Variants in DTNA observed in about 807,000 individuals in gnomAD.
DTNA encodes the protein dystrobrevin alpha.
A neutral mutation model predicts 100.7 loss-of-function variants in DTNA; 43 were observed. That is an observed-to-expected ratio of 0.43 (90% CI 0.33 to 0.55). The LOEUF (loss-of-function observed/expected upper bound fraction) is 0.55. Among genes scored for constraint, DTNA ranks in the 20% least tolerant of loss-of-function variants. The pLI is 0.04. For missense variants in DTNA, 798 were observed against 953.9 expected (o/e 0.84, Z 2.15); for synonymous variants, 349 against 347.9 (o/e 1.00, Z -0.04).
intron 1 of DTNA, among the ~76,000 whole-genome samples, chr18:34,728,133 C>G (rs2087175199): frequency 6.6e-6 from 1 of 152,122 alleles, no homozygotes; most frequent in Non-Finnish European, 1.5e-5. Context: ...AAATTGCATA[C>G]TCAATGTGAA....
At chr18:34,875,527 G>C in intron 18 of DTNA, 129 bp downstream of exon 18, 1 of 1,363,176 alleles carries the variant, frequency 7.3e-7, no homozygotes, top group Non-Finnish European at 1.0e-6. Context: ...TGGTGTCAGA[G>C]CCTGGCCTGC....
In DTNA at chr18:34,598,961, T is replaced by G. The variant is rs375148087; in HGVS notation, c.-2+105447T>G. Reference sequence around the variant, plus strand: ...AAAACTGTATTTGTTTATTAAACATTGAATATAGTTGATGGGAACCAGAGG... The same window carrying G: ...AAAACTGTATTTGTTTATTAAACATGGAATATAGTTGATGGGAACCAGAGG... On this transcript the variant is annotated intron_variant, in intron 1 of 19. Transcript: ENST00000283365. 1.1e-4 allele frequency among the ~76,000 whole-genome samples: 16 copies of G among 152,356 alleles called. No individual in the cohort carries two copies. The South Asian group carries it at 1.9e-3, about 18-fold the overall frequency.
chr18:34,603,472 T>C (rs911035234), intron 1 of DTNA, among the ~76,000 whole-genome samples: 1 of 152,204 alleles, frequency 6.6e-6, no homozygotes, highest in African/African-American at 2.4e-5. Context: ...CATTTTTAAG[T>C]GTAGAGTTCA....
At chr18:34,869,366 T>A (rs2096740930) in intron 17 of DTNA, among the ~76,000 whole-genome samples, 1 of 152,182 alleles carries the variant, frequency 6.6e-6, no homozygotes, top group Non-Finnish European at 1.5e-5. Context: ...TAACAGTGTC[T>A]CCATCAGGGA....
chr18:34,529,233 T>C lies in DTNA; in HGVS notation c.-2+35719T>C, dbSNP rs193294634. ...CTATATATTTATATAGGCTGACATA[T>C]GCTCTGCCTTTTATCCTAGTAAATA... On this transcript the variant is annotated intron_variant, in intron 1 of 19. Transcript: ENST00000283365. 3.0e-3 allele frequency among the ~76,000 whole-genome samples: 461 copies of C among 152,280 alleles called. 2 individuals carry two copies. Among genetic ancestry groups the C allele is most frequent in the African/African-American group, 0.01 (421 of 41,574 alleles).
intron 1 of DTNA, among the ~76,000 whole-genome samples, chr18:34,627,136 TGAGTCTGA>T (rs927985411): frequency 2.0e-5 from 3 of 150,932 alleles, no homozygotes; most frequent in African/African-American, 7.4e-5. Flanking sequence ...TATCTACGGA[TGAGTCTGA>T]GAGTCAAAAA....
chr18:34,817,942 A>T, intron 7 of DTNA: 2 of 1,418,058 alleles, frequency 1.4e-6, no homozygotes, highest in Non-Finnish European at 1.8e-6. Flanking sequence ...TGTTAAAAGG[A>T]CACCTCTTCT....
intron 1 of DTNA, among the ~76,000 whole-genome samples, chr18:34,591,313 G>T (rs80221727): frequency 1.3e-5 from 2 of 152,110 alleles, no homozygotes; most frequent in South Asian, 4.1e-4. Flanking sequence ...GAAAAGAAGC[G>T]TATTTTTCCC....
chr18:34,667,965 T>C lies in DTNA; in HGVS notation c.-1-88011T>C, dbSNP rs564972576. 6.3e-3 allele frequency among the ~76,000 whole-genome samples: 966 copies of C among 152,292 alleles called. 5 individuals are homozygous for C. Among genetic ancestry groups the C allele is most frequent in the Non-Finnish European group, 0.01 (696 of 68,038 alleles). On this transcript the variant is annotated intron_variant, in intron 1 of 19. Transcript: ENST00000283365. The stretch of plus-strand genomic sequence containing the variant: ...AAAATGAGTTAGGGAGGATTCCCTC[T>C]TTTTCTATTGATTGGAATAGTTTCA...
chr18:34,585,709 T>C (rs2049064598), intron 1 of DTNA, among the ~76,000 whole-genome samples: 2 of 152,212 alleles, frequency 1.3e-5, no homozygotes, highest in African/African-American at 2.4e-5. Flanking sequence ...CAAAAGGTAA[T>C]ATCAACATTT....
intron 1 of DTNA, among the ~76,000 whole-genome samples, chr18:34,675,107 T>C (rs1318170825): frequency 1.3e-5 from 2 of 152,020 alleles, no homozygotes; most frequent in Non-Finnish European, 2.9e-5. Flanking sequence ...CCTACCAGGG[T>C]TCCTCAACCT....
intron 1 of DTNA, among the ~76,000 whole-genome samples, chr18:34,529,948 T>G (rs1052175697): frequency 6.6e-6 from 1 of 152,160 alleles, no homozygotes; most frequent in Admixed American, 6.6e-5. Context: ...ATAAAATATT[T>G]TTTAATAAAT....
chr18:34,732,395 T>C (rs1026263797), intron 1 of DTNA, among the ~76,000 whole-genome samples: 6 of 152,214 alleles, frequency 3.9e-5, no homozygotes, highest in African/African-American at 1.4e-4. Context: ...CAAGACAGCG[T>C]GATCCAAAGC....
At chr18:34,652,969 C>A (rs73414425) in intron 1 of DTNA, among the ~76,000 whole-genome samples, 4,041 of 152,084 alleles carry the variant, frequency 0.027, 187 homozygotes, top group African/African-American at 0.093. Flanking sequence ...TTGGTACTTC[C>A]TAATGATCCA....
intron 1 of DTNA, among the ~76,000 whole-genome samples, chr18:34,745,203 G>T (rs917588823): frequency 1.3e-5 from 2 of 151,712 alleles, no homozygotes; most frequent in African/African-American, 4.8e-5. Context: ...ATATTCTCCT[G>T]CCTCTCCCCT....
chr18:34,575,812 T>A (rs1239890520), intron 1 of DTNA, among the ~76,000 whole-genome samples: 1 of 152,142 alleles, frequency 6.6e-6, no homozygotes, highest in Non-Finnish European at 1.5e-5. Context: ...ATAGTTAGAT[T>A]TTTCTTCCCC....
chr18:34,870,058 A>G (rs2096749945), intron 17 of DTNA, among the ~76,000 whole-genome samples: 1 of 152,272 alleles, frequency 6.6e-6, no homozygotes, highest in South Asian at 2.1e-4. Flanking sequence ...GCTTATGCTA[A>G]TTTGCAGGAC....
chr18:34,724,599 A>C (rs1343122381), intron 1 of DTNA, among the ~76,000 whole-genome samples: 1 of 152,172 alleles, frequency 6.6e-6, no homozygotes, highest in Non-Finnish European at 1.5e-5. Flanking sequence ...ATGGCAAGAG[A>C]GGGGAGAGGT....
At chr18:34,620,182 G>A (rs1429291915) in intron 1 of DTNA, among the ~76,000 whole-genome samples, 1 of 152,138 alleles carries the variant, frequency 6.6e-6, no homozygotes, top group East Asian at 1.9e-4. Flanking sequence ...GTTTGCACTG[G>A]GGTAAAAGGT....
Sources: allele counts gnomAD v4.1 joint callset (sites outside exome capture counted in the v4.1 genomes callset), GRCh38; gene constraint gnomAD v4.1.1; transcripts MANE v1.5; gene names NCBI Gene and HGNC (gene_info 2026-07-23, HGNC 2026-07-21).